Variants in NRG1 observed in about 807,000 individuals in gnomAD.
The protein encoded by NRG1 is neuregulin 1.
In NRG1, 18 loss-of-function variants were observed where a neutral mutation model predicts 63.8. The ratio of observed to expected loss-of-function variants is 0.28; its 90% CI spans 0.19 to 0.42. The LOEUF is 0.42. Among genes scored for constraint, NRG1 ranks in the 10% least tolerant of loss-of-function variants. The pLI, the probability that NRG1 is intolerant of heterozygous loss-of-function variation, is 1.00. For missense variants in NRG1, 762 were observed against 814.7 expected (o/e 0.94, Z 0.79); for synonymous variants, 302 against 301.3 (o/e 1.00, Z -0.02).
rs75388005 is a variant in NRG1 at position 32,614,739 on chromosome 8, A to G, written c.451+175A>G. ...CTTTTTGGATTTTACTTAAGGGAGG[A>G]TGGTTCTTGCTGTGTCTTCAAACTT... is the stretch of plus-strand genomic sequence containing the variant. On this transcript the variant is annotated intron_variant, in intron 4 of 11. Coordinates refer to ENST00000356819, the Ensembl canonical transcript of NRG1. Among the ~76,000 whole-genome samples the G allele has an allele frequency of 0.031, 4,660 of 152,072 alleles. 98 individuals are homozygous for G. Among genetic ancestry groups the G allele is most frequent in the Non-Finnish European group, 0.043 (2,942 of 67,958 alleles).
intron 1 of NRG1, among the ~76,000 whole-genome samples, chr8:32,032,223 ATGTT>A (rs963320293): frequency 1.7e-4 from 25 of 151,102 alleles, no homozygotes; most frequent in African/African-American, 6.1e-4. Flanking sequence ...CTTTTTTCAT[ATGTT>A]TGTTAGCTGC....
intron 1 of NRG1, among the ~76,000 whole-genome samples, chr8:31,748,901 C>T (rs556941008): frequency 6.6e-6 from 1 of 151,936 alleles, no homozygotes; most frequent in South Asian, 2.1e-4. Context: ...CCTCAAATTT[C>T]TCCTCTCAGA....
chr8:32,701,922 C>T (rs1483590525), intron 5 of NRG1, among the ~76,000 whole-genome samples: 1 of 152,146 alleles, frequency 6.6e-6, no homozygotes, highest in Non-Finnish European at 1.5e-5. Context: ...ATCATGAGAT[C>T]ACAAATGTGA....
At chr8:32,374,018 A>G (rs1809291916) in intron 1 of NRG1, among the ~76,000 whole-genome samples, 2 of 152,116 alleles carry the variant, frequency 1.3e-5, no homozygotes, top group South Asian at 4.1e-4. Context: ...AATTTCTGTT[A>G]TTGTTACTAT....
intron 1 of NRG1, among the ~76,000 whole-genome samples, chr8:32,516,372 G>A (rs1829826827): frequency 6.6e-6 from 1 of 152,082 alleles, no homozygotes; most frequent in Admixed American, 6.6e-5. Flanking sequence ...GATGCCTCTG[G>A]CTTTGTTCTT....
intron 1 of NRG1, among the ~76,000 whole-genome samples, chr8:32,022,088 A>G (rs1816542586): frequency 6.6e-6 from 1 of 152,088 alleles, no homozygotes; most frequent in South Asian, 2.1e-4. Flanking sequence ...CAGGTCTTAA[A>G]CTATACCTTT....
chr8:32,727,328 G>C (rs916883107), intron 5 of NRG1, among the ~76,000 whole-genome samples: 3 of 152,204 alleles, frequency 2.0e-5, no homozygotes, highest in South Asian at 4.2e-4. Flanking sequence ...ATGGCGTTTG[G>C]ACATTCAACC....
intron 1 of NRG1, among the ~76,000 whole-genome samples, chr8:31,782,384 T>A (rs1819775234): frequency 6.6e-6 from 1 of 152,064 alleles, no homozygotes; most frequent in African/African-American, 2.4e-5. Context: ...GCATTGCCTA[T>A]CACCCCCACC....
At chr8:32,057,151 A>G (rs988145675) in intron 1 of NRG1, among the ~76,000 whole-genome samples, 1 of 152,170 alleles carries the variant, frequency 6.6e-6, no homozygotes, top group African/African-American at 2.4e-5. Flanking sequence ...ATGAGAAATG[A>G]TCAGTTTCTT....
intron 1 of NRG1, among the ~76,000 whole-genome samples, chr8:32,510,637 A>C (rs1416995938): frequency 6.6e-6 from 1 of 152,158 alleles, no homozygotes; most frequent in East Asian, 1.9e-4. Context: ...ATTCTGGAGA[A>C]GACATGGCTG....
intron 1 of NRG1, among the ~76,000 whole-genome samples, chr8:32,449,801 C>T (rs1307234941): frequency 1.3e-5 from 2 of 152,184 alleles, no homozygotes; most frequent in East Asian, 3.8e-4. Context: ...TTCCTACACA[C>T]CATGCATATA....
At chr8:32,636,183 C>T (rs1218333501) in intron 5 of NRG1, among the ~76,000 whole-genome samples, 5 of 151,480 alleles carry the variant, frequency 3.3e-5, no homozygotes, top group African/African-American at 4.8e-5. Context: ...TAAGTTAAGC[C>T]GTTCCTTTCT....
intron 1 of NRG1, among the ~76,000 whole-genome samples, chr8:32,513,041 C>A (rs1473134141): frequency 1.3e-5 from 2 of 151,948 alleles, no homozygotes; most frequent in African/African-American, 4.8e-5. Flanking sequence ...AAAATTGTGA[C>A]CTTTCTATAA....
intron 1 of NRG1, among the ~76,000 whole-genome samples, chr8:32,288,151 G>GGAGA (rs146360274): frequency 1.3e-4 from 20 of 150,388 alleles, no homozygotes; most frequent in African/African-American, 9.7e-5. Flanking sequence ...AAGACAGATA[G>GGAGA]GAGAGAGAGA....
intron 1 of NRG1, among the ~76,000 whole-genome samples, chr8:32,505,289 T>C (rs1380307203): frequency 1.3e-5 from 2 of 152,190 alleles, no homozygotes; most frequent in African/African-American, 4.8e-5. Flanking sequence ...AAGGGAGCTA[T>C]CCAGTCTAAC....
rs867987318 is a variant in NRG1, at chr8:31,859,889, G to A, written c.37+220458G>A. Reference sequence around the variant, plus strand: ...CATTTTTCCCTTGACCATTTCCCATGGTGGGGAGGTATGTGTCTAGATTTG... The same window carrying A: ...CATTTTTCCCTTGACCATTTCCCATAGTGGGGAGGTATGTGTCTAGATTTG... On this transcript the variant is annotated intron_variant, in intron 1 of 10. Coordinates refer to the NRG1 transcript ENST00000519301. 2.0e-5 allele frequency among the ~76,000 whole-genome samples: 3 copies of A among 152,290 alleles called. 1 individual carries two copies. In the South Asian group the frequency reaches 6.2e-4, roughly 32 times the overall value.
At chr8:31,656,653 T>C (rs563027862) in intron 1 of NRG1, among the ~76,000 whole-genome samples, 1 of 152,300 alleles carries the variant, frequency 6.6e-6, no homozygotes, top group East Asian at 1.9e-4. Context: ...CAAAAAATCA[T>C]CAAAATTGAT....
At chr8:32,325,499 C>G in intron 1 of NRG1, among the ~76,000 whole-genome samples, 1 of 152,184 alleles carries the variant, frequency 6.6e-6, no homozygotes, top group East Asian at 1.9e-4. Context: ...CCCACCTCAG[C>G]CTTCTGAGCA....
At chr8:32,604,339 A>T (rs1302551028) in intron 2 of NRG1, among the ~76,000 whole-genome samples, 1 of 152,160 alleles carries the variant, frequency 6.6e-6, no homozygotes, top group Non-Finnish European at 1.5e-5. Flanking sequence ...AGACTGGAGG[A>T]TACTAGTAGG....
Sources: allele counts gnomAD v4.1 joint callset (sites outside exome capture counted in the v4.1 genomes callset), GRCh38; gene constraint gnomAD v4.1.1; transcripts MANE v1.5; gene names NCBI Gene and HGNC (gene_info 2026-07-23, HGNC 2026-07-21).